Variants in CAV1 observed in about 807,000 individuals in gnomAD.
CAV1 encodes caveolin 1, also known as caveolin-1.
Under a neutral mutation model 16.5 loss-of-function variants are expected in CAV1, and 10 were observed. The observed-to-expected ratio is 0.61, with a 90% CI of 0.37 to 1.03. The LOEUF is 1.03. Among genes scored for constraint, CAV1 ranks in the 50% least tolerant of loss-of-function variants. The probability of loss-of-function intolerance (pLI) is 0.01; values close to 1 mark genes in which losing one functional copy is unlikely to be tolerated. For missense variants in CAV1, 212 were observed against 232.8 expected (o/e 0.91, Z 0.58); for synonymous variants, 76 against 85.1 (o/e 0.89, Z 0.59).
chr7:116,534,340 A>G (rs1246364967), intron 2 of CAV1, among the ~76,000 whole-genome samples: 1 of 132,866 alleles, frequency 7.5e-6, no homozygotes, highest in Non-Finnish European at 1.6e-5. Context: ...GTTTACAAAT[A>G]CAGATGCCTG....
At position 116,560,179 on chromosome 7, in the gene CAV1, C is replaced by G. The variant is rs1794379536; in HGVS notation, c.*892C>G. The G allele has an allele frequency of 4.5e-6, 1 of 220,670 alleles. No individual in the cohort carries two copies. The highest frequency in any genetic ancestry group is 8.8e-6 in the Non-Finnish European group (1 of 113,212). The allele number at this position is 220,670 out of a possible 1,614,324, so 13.7% of individuals were successfully genotyped here. On this transcript the variant is annotated 3_prime_UTR_variant, in exon 3 of 3. Coordinates refer to ENST00000341049, the MANE Select transcript of CAV1 (RefSeq NM_001753.5). ...CCCAATGAAATGAATTAAAGTGGAC[C>G]AATAGGGCTGAGCTCTCTGTGGGCT...
At chr7:116,534,350 G>A (rs1306940134) in intron 2 of CAV1, among the ~76,000 whole-genome samples, 2 of 118,628 alleles carry the variant, frequency 1.7e-5, no homozygotes, top group Admixed American at 2.0e-4. Flanking sequence ...ACAGATGCCT[G>A]GGCCCACCTC....
intron 2 of CAV1, among the ~76,000 whole-genome samples, chr7:116,539,718 A>G (rs879665579): frequency 2.6e-5 from 4 of 152,156 alleles, no homozygotes; most frequent in Non-Finnish European, 4.4e-5. Flanking sequence ...TAAACCTTCC[A>G]GTAAGCAAGC....
At chr7:116,525,439 C>A in intron 1 of CAV1, 1 of 1,405,130 alleles carries the variant, frequency 7.1e-7, no homozygotes, top group Non-Finnish European at 9.4e-7. Flanking sequence ...TCCGGCCCTG[C>A]CTGCTGGGGG....
intron 2 of CAV1, among the ~76,000 whole-genome samples, chr7:116,557,910 T>C (rs551480360): frequency 6.4e-4 from 97 of 152,282 alleles, no homozygotes; most frequent in Middle Eastern, 3.4e-3. Context: ...CCACTGTCTG[T>C]AAAATAATAT....
At chr7:116,540,447 G>C (rs1340568938) in intron 2 of CAV1, among the ~76,000 whole-genome samples, 2 of 152,262 alleles carry the variant, frequency 1.3e-5, no homozygotes, top group African/African-American at 2.4e-5. Context: ...CAGGCTAAGT[G>C]TAAAATACCA....
At chr7:116,526,272 G>A in intron 1 of CAV1, 1 of 1,266,160 alleles carries the variant, frequency 7.9e-7, no homozygotes, top group Non-Finnish European at 1.0e-6. Flanking sequence ...GCGGCGGGCG[G>A]GGGAGGCAGG....
At position 116,559,164 on chromosome 7, in the gene CAV1, G is replaced by C; in HGVS notation, c.414G>C (p.Leu138=). Residue 138 remains leucine, a synonymous_variant, in exon 3 of 3, where the codon CTG becomes CTC. Transcript: ENST00000341049. The part of the protein sequence containing the change: ...WAVVPCIKSF[L]IEIQCISRVY... ...TTGTACCATGCATTAAGAGCTTCCT[G>C]ATTGAGATTCAGTGCATCAGCCGTG... 2 of 1,613,970 alleles carry C rather than the reference G, an allele frequency of 1.2e-6. No homozygotes were observed. Among genetic ancestry groups the C allele is most frequent in the Non-Finnish European group, 1.7e-6 (2 of 1,179,900 alleles).
chr7:116,555,604 G>GAAAGAAAGAA (rs762624343), intron 2 of CAV1, among the ~76,000 whole-genome samples: 2 of 73,464 alleles, frequency 2.7e-5, no homozygotes, highest in African/African-American at 6.2e-5. Context: ...AAGAAAGAAA[G>GAAAGAAAGAA]AGAAAGAAAG....
chr7:116,543,799 A>T (rs984862588), intron 2 of CAV1, among the ~76,000 whole-genome samples: 5 of 152,174 alleles, frequency 3.3e-5, no homozygotes, highest in Admixed American at 2.6e-4. Context: ...CCTAGTTCAC[A>T]TGGCCCCATT....
chr7:116,533,393 A>AAATAAAATAAAATAAAATAAAAT (rs1376670800), intron 2 of CAV1, among the ~76,000 whole-genome samples: 2 of 132,168 alleles, frequency 1.5e-5, no homozygotes, highest in African/African-American at 5.8e-5. Context: ...AAAATAAAAT[A>AAATAAAATAAAATAAAATAAAAT]AAATAAAATA....
At chr7:116,554,894 A>G (rs1762137059) in intron 2 of CAV1, among the ~76,000 whole-genome samples, 1 of 152,216 alleles carries the variant, frequency 6.6e-6, no homozygotes, top group Non-Finnish European at 1.5e-5. Flanking sequence ...AGGAATACAA[A>G]GGCAAAAATG....
intron 1 of CAV1, chr7:116,526,238 C>T (rs949374493): frequency 1.4e-5 from 15 of 1,088,182 alleles, no homozygotes; most frequent in South Asian, 6.1e-5. Flanking sequence ...TCGGACCGCG[C>T]GGCGGGGCCT....
intron 2 of CAV1, among the ~76,000 whole-genome samples, chr7:116,539,461 T>C (rs1008554031): frequency 2.6e-5 from 4 of 152,218 alleles, no homozygotes; most frequent in African/African-American, 7.2e-5. Context: ...GTGCTTTGAA[T>C]GAAAAGACAC....
chr7:116,548,994 T>A (rs2116055005), intron 2 of CAV1, among the ~76,000 whole-genome samples: 1 of 152,346 alleles, frequency 6.6e-6, no homozygotes, highest in East Asian at 1.9e-4. Context: ...CCTTGTTCTA[T>A]GCATCCCTCC....
chr7:116,554,645 C>T (rs903630005), intron 2 of CAV1, among the ~76,000 whole-genome samples: 13 of 152,138 alleles, frequency 8.5e-5, no homozygotes, highest in African/African-American at 3.1e-4. Flanking sequence ...GAGTCCCTGG[C>T]TGGGTGCCCA....
At chr7:116,534,381 ATATATATATATATATTTTTTTTTTT>A (rs1462767113) in intron 2 of CAV1, among the ~76,000 whole-genome samples, 638 of 11,514 alleles carry the variant, frequency 0.055, 71 homozygotes, top group South Asian at 0.27. Context: ...ATATATATAT[ATATATATATATATATTTTTTTTTTT>A]TTTTTTTTTT....
intron 2 of CAV1, among the ~76,000 whole-genome samples, chr7:116,544,516 A>C (rs147275621): frequency 1.4e-3 from 210 of 152,288 alleles, no homozygotes; most frequent in African/African-American, 4.8e-3. Context: ...GAAATAAATA[A>C]ATAAATAAAA....
At chr7:116,540,358 T>C (rs951445246) in intron 2 of CAV1, among the ~76,000 whole-genome samples, 1 of 152,210 alleles carries the variant, frequency 6.6e-6, no homozygotes, top group African/African-American at 2.4e-5. Context: ...TTTCCTTCTT[T>C]TGCCTCCTAT....
Sources: gnomAD v4.1 joint callset for allele counts (sites outside exome capture counted in the v4.1 genomes callset) on GRCh38, gnomAD v4.1.1 for gene constraint, MANE v1.5 for transcripts, NCBI Gene and HGNC (gene_info 2026-07-23, HGNC 2026-07-21) for gene names.